CHI3L2: variants seen among roughly 807,000 people sequenced by gnomAD.
CHI3L2 encodes the protein chitinase 3 like 2.
CHI3L2 carries 47 observed loss-of-function variants against 47.3 expected under a neutral mutation model. The observed-to-expected ratio is 0.99, with a 90% CI of 0.79 to 1.27. The LOEUF (loss-of-function observed/expected upper bound fraction) is 1.27, where lower values mean the gene tolerates loss of function less well. CHI3L2 is among the 50% of genes most tolerant of loss of function. The pLI is 0.00. For synonymous variants in CHI3L2, 198 were observed against 169.9 expected (o/e 1.17, Z -1.28); for missense variants, 497 against 462.1 (o/e 1.08, Z -0.69).
chr1:111,232,356 T>C (rs1262038518), intron 4 of CHI3L2, among the ~76,000 whole-genome samples: 1 of 151,976 alleles, frequency 6.6e-6, no homozygotes, highest in African/African-American at 2.4e-5. Flanking sequence ...CTTGCATTCA[T>C]TCATTCATTC....
intron 5 of CHI3L2, 122 bp from the exon 6 acceptor site, chr1:111,235,517 G>A: frequency 8.7e-7 from 1 of 1,143,068 alleles, no homozygotes; most frequent in Non-Finnish European, 1.2e-6. Flanking sequence ...GTGGGGTGGG[G>A]AGGAAAGGGT....
In CHI3L2 at chr1:111,241,405, T is replaced by A; in HGVS notation, c.997T>A (p.Trp333Arg). The change falls in exon 9 of 11, where the codon TGG becomes AGG. Residue 333 changes from tryptophan to arginine, a missense_variant. Transcript: ENST00000369748. ...TCCCTACGCAGTCAAGGGGAACCAG[T>A]GGGTGGGCTATGATGATGTGAAGAG... ...QVPYAVKGNQ[W>R]VGYDDVKSME... 6.2e-7 allele frequency: 1 copy of A among 1,607,760 alleles called. No individual in the cohort carries two copies.
rs1571228228 is a variant in CHI3L2, at chr1:111,236,170, A to G, written c.735+17A>G. ...TACAATGTGGTGAGTAGGCCAGGGG[A>G]ACCGCAGGGGTACTGGCTGTGGGGG... On this transcript the variant is annotated intron_variant, in intron 7 of 10. Coordinates refer to ENST00000369748, the MANE Select transcript of CHI3L2 (RefSeq NM_004000.3). 1.2e-6 allele frequency: 2 copies of G among 1,613,666 alleles called. No individual in the cohort carries two copies. The highest frequency in any genetic ancestry group is 3.3e-4 in the Middle Eastern group (2 of 6,058).
chr1:111,231,697 A>ACTATGGTGG (rs1294051529), intron 4 of CHI3L2, among the ~76,000 whole-genome samples: 3 of 152,210 alleles, frequency 2.0e-5, no homozygotes, highest in Non-Finnish European at 4.4e-5. Flanking sequence ...TCCATTCAGA[A>ACTATGGTGG]GCCCCACCAT....
intron 7 of CHI3L2, among the ~76,000 whole-genome samples, 164 bp from the exon 8 acceptor site, chr1:111,238,586 T>G (rs1046318503): frequency 1.3e-5 from 2 of 152,228 alleles, no homozygotes; most frequent in African/African-American, 4.8e-5. Flanking sequence ...AGAGCATATG[T>G]GCATTACAAC....
chr1:111,236,082 C>G lies in CHI3L2; in HGVS notation c.664C>G (p.Leu222Val), dbSNP rs774395170. The part of the protein sequence containing the change: ...FDFHGSWEKP[L>V]ITGHNSPLSK... ...CTTCCATGGGTCTTGGGAAAAGCCC[C>G]TTATCACTGGCCACAACAGCCCTCT... Residue 222 changes from leucine (L) to valine (V), a missense_variant, in exon 7 of 11, where the codon CTT becomes GTT. Coordinates refer to ENST00000369748, the MANE Select transcript of CHI3L2 (RefSeq NM_004000.3). 7 of 1,614,176 alleles carry G rather than the reference C, an allele frequency of 4.3e-6. No homozygotes were observed. In the South Asian group the frequency reaches 6.6e-5, roughly 15 times the overall value.
chr1:111,228,356 G>A (rs761976581), intron 1 of CHI3L2, among the ~76,000 whole-genome samples: 5 of 152,162 alleles, frequency 3.3e-5, no homozygotes, highest in African/African-American at 7.2e-5. Context: ...GTCTGCTGGA[G>A]GAAAGAAATC....
In CHI3L2 at chr1:111,235,683, G is replaced by A. The variant is rs1375342586; in HGVS notation, c.525G>A (p.Lys175=). ...AFQKDFTKST[K]ERLLLTAGVS... ...AGAAGGACTTCACAAAATCCACCAA[G>A]GAAAGGCTTCTCTTGACTGCGGGCG... The change falls in exon 6 of 11, where the codon AAG becomes AAA. Residue 175 remains lysine (K), a synonymous_variant. Coordinates refer to ENST00000369748, the MANE Select transcript of CHI3L2 (RefSeq NM_004000.3). 3 of 1,614,202 alleles carry A rather than the reference G, an allele frequency of 1.9e-6. No homozygotes were observed. Among genetic ancestry groups the A allele is most frequent in the South Asian group, 2.2e-5 (2 of 91,074 alleles).
intron 6 of CHI3L2, 126 bp downstream of exon 6, chr1:111,235,889 C>A: frequency 6.5e-7 from 1 of 1,535,820 alleles, no homozygotes; most frequent in Non-Finnish European, 8.9e-7. Flanking sequence ...AACCCTGCAT[C>A]ATTCAGCCAG....
At chr1:111,236,265 A>G (rs1571228407) in intron 7 of CHI3L2, 112 bp downstream of exon 7, 3 of 1,216,062 alleles carry the variant, frequency 2.5e-6, no homozygotes, top group East Asian at 2.5e-5. Flanking sequence ...TATGAGCCCA[A>G]GAGGGAATTG....
chr1:111,241,439 C>A lies in CHI3L2; in HGVS notation c.1031C>A (p.Thr344Asn), dbSNP rs778880188. The A allele has an allele frequency of 2.6e-6, 4 of 1,548,048 alleles. No homozygotes were observed. In the African/African-American group the frequency reaches 4.1e-5, roughly 16 times the overall value. ...TATGATGATGTGAAGAGTATGGAGA[C>A]CAAGGTAGGTGGGCCACAGGCAGAT... ...VGYDDVKSME[T>N]KVQFLKNLNL... Residue 344 changes from threonine (T) to asparagine (N), a missense_variant, in exon 9 of 11, where the codon ACC becomes AAC. Thr to Asn is a moderately conservative substitution (Grantham distance 65). Coordinates refer to ENST00000369748, the MANE Select transcript of CHI3L2 (RefSeq NM_004000.3).
chr1:111,243,116 G>C, intron 10 of CHI3L2, 101 bp from the exon 11 acceptor site: 1 of 455,110 alleles, frequency 2.2e-6, no homozygotes, highest in East Asian at 6.9e-5. Flanking sequence ...TTAGATAATT[G>C]GGTAGCAGCC....
intron 7 of CHI3L2, 96 bp from the exon 8 acceptor site, chr1:111,238,654 G>A (rs1659954588): frequency 1.5e-6 from 2 of 1,300,080 alleles, no homozygotes; most frequent in Non-Finnish European, 2.2e-6. Context: ...AAAGAAACCA[G>A]GCAGTCACCT....
In CHI3L2 at chr1:111,236,109, A is replaced by T. The variant is rs1423025702; in HGVS notation, c.691A>T (p.Ser231Cys). 6.2e-6 allele frequency: 10 copies of T among 1,614,068 alleles called. No individual in the cohort carries two copies. Among genetic ancestry groups the T allele is most frequent in the Non-Finnish European group, 8.5e-6 (10 of 1,180,030 alleles). The change falls in exon 7 of 11, where the codon AGC becomes TGC. Residue 231 changes from serine (S) to cysteine (C), a missense_variant. Transcript: ENST00000369748. Reference protein sequence around the residue: ...PLITGHNSPLSKGWQDRGPSS... With the variant: ...PLITGHNSPLCKGWQDRGPSS... Reference sequence around the variant, plus strand: ...TATCACTGGCCACAACAGCCCTCTGAGCAAGGGGTGGCAGGACAGAGGGCC... The same window carrying T: ...TATCACTGGCCACAACAGCCCTCTGTGCAAGGGGTGGCAGGACAGAGGGCC...
Position 111,235,688 on chromosome 1 carries a change from G to A in CHI3L2, c.530G>A (p.Arg177Lys), listed in dbSNP as rs756930503. 6.2e-7 allele frequency: 1 copy of A among 1,614,096 alleles called. No individual in the cohort carries two copies. Among genetic ancestry groups the A allele is most frequent in the Admixed American group, 1.7e-5 (1 of 60,004 alleles). Residue 177 changes from arginine (R) to lysine (K), a missense_variant, in exon 6 of 11, where the codon AGG becomes AAG. By Grantham distance (26) the Arg-to-Lys change is conservative. Coordinates refer to ENST00000369748, the MANE Select transcript of CHI3L2 (RefSeq NM_004000.3). ...GACTTCACAAAATCCACCAAGGAAA[G>A]GCTTCTCTTGACTGCGGGCGTATCT... The part of the protein sequence containing the change: ...QKDFTKSTKE[R>K]LLLTAGVSAG...
intron 8 of CHI3L2, chr1:111,239,416 G>C (rs1659983611): frequency 6.5e-6 from 1 of 152,900 alleles, no homozygotes; most frequent in Admixed American, 6.5e-5. Context: ...CTGCACTAGA[G>C]AGGTAGATTC....
intron 2 of CHI3L2, 45 bp downstream of exon 2, chr1:111,229,926 G>A: frequency 6.2e-7 from 1 of 1,611,362 alleles, no homozygotes; most frequent in South Asian, 1.1e-5. Context: ...CCTGGCTTGG[G>A]TGCTTTCATT....
chr1:111,231,409 C>T (rs1230001608), intron 4 of CHI3L2, 115 bp downstream of exon 4: 1 of 775,330 alleles, frequency 1.3e-6, no homozygotes, highest in Non-Finnish European at 2.1e-6. Flanking sequence ...TTCCCTTGGC[C>T]AGGTGGCAAA....
chr1:111,236,703 C>G lies in CHI3L2; in HGVS notation c.735+550C>G, dbSNP rs949599578. Among the ~76,000 whole-genome samples the G allele has an allele frequency of 2.6e-5, 4 of 152,180 alleles. No individual in the cohort carries two copies. The East Asian group carries it at 7.7e-4, about 29-fold the overall frequency. ...GATGTTGTTCTGGAACATAACTTAT[C>G]CACCCAATGGGTTCTCCTTGCCCAT... is the stretch of plus-strand genomic sequence containing the variant. On this transcript the variant is annotated intron_variant, in intron 7 of 10. Coordinates refer to ENST00000369748, the MANE Select transcript of CHI3L2 (RefSeq NM_004000.3).
Sources: allele counts gnomAD v4.1 joint callset (sites outside exome capture counted in the v4.1 genomes callset), GRCh38; gene constraint gnomAD v4.1.1; transcripts MANE v1.5; gene names NCBI Gene and HGNC (gene_info 2026-07-23, HGNC 2026-07-21).